The following PRP4K variants were observed in gnomAD, a reference collection of about 807,000 sequenced individuals.
PRP4K encodes pre-mRNA processing factor kinase PRP4K.
chr6:4,021,349 C>T, the PRP4K span: 11 of 1,545,606 alleles, frequency 7.1e-6, no homozygotes, highest in African/African-American at 5.5e-5. Context: ...CAGCTCTTTT[C>T]CTTCTTCCTC....
At chr6:4,041,040 G>A in the PRP4K span, 1 of 1,148,130 alleles carries the variant, frequency 8.7e-7, no homozygotes, top group Non-Finnish European at 1.2e-6. Context: ...CCATTAATTT[G>A]GCTCTGAATT....
At chr6:4,052,231 A>T in the PRP4K span, 1 of 993,646 alleles carries the variant, frequency 1.0e-6, no homozygotes, top group Admixed American at 3.4e-5. Context: ...TTTGTTTTTA[A>T]CTTGTGGTTA....
chr6:4,047,107 C>G, the PRP4K span: 1 of 1,334,336 alleles, frequency 7.5e-7, no homozygotes, highest in African/African-American at 1.5e-5. Context: ...TAATGACTTC[C>G]CATTCACTTA....
At chr6:4,036,562 T>C in the PRP4K span, among the ~76,000 whole-genome samples, 1 of 152,076 alleles carries the variant, frequency 6.6e-6, no homozygotes, top group African/African-American at 2.4e-5. Context: ...ACTCTGTCAC[T>C]TGGGCTGCAG....
At chr6:4,063,159 C>G in the PRP4K span, 5 of 152,234 alleles carry the variant, frequency 3.3e-5, no homozygotes, top group African/African-American at 1.2e-4. Flanking sequence ...AACAATCCTT[C>G]ATTTATTTTT....
the PRP4K span, chr6:4,032,039 G>A: frequency 2.5e-6 from 4 of 1,613,918 alleles, no homozygotes; most frequent in Non-Finnish European, 3.4e-6. Flanking sequence ...TTGAACTTGT[G>A]GACAATAAAA....
chr6:4,022,065 G>A, the PRP4K span, among the ~76,000 whole-genome samples: 1 of 148,798 alleles, frequency 6.7e-6, no homozygotes, highest in Non-Finnish European at 1.5e-5. Flanking sequence ...GTATTGTTTT[G>A]TTTTGTTTTG....
At chr6:4,022,169 T>TTTA in the PRP4K span, among the ~76,000 whole-genome samples, 1 of 149,246 alleles carries the variant, frequency 6.7e-6, no homozygotes, top group Middle Eastern at 3.4e-3. Context: ...TTTTTTTTTT[T>TTTA]TTTTTTTGCC....
the PRP4K span, chr6:4,021,525 T>C: frequency 3.2e-6 from 5 of 1,554,076 alleles, no homozygotes; most frequent in Non-Finnish European, 4.4e-6. Flanking sequence ...GAGTGGGAGC[T>C]GCACGGGGTG....
the PRP4K span, chr6:4,031,530 A>AT: frequency 7.1e-7 from 1 of 1,402,392 alleles, no homozygotes; most frequent in Non-Finnish European, 9.6e-7. Flanking sequence ...AAATGATATG[A>AT]TTTTAAAATG....
At chr6:4,037,448 C>A in the PRP4K span, 1 of 1,613,978 alleles carries the variant, frequency 6.2e-7, no homozygotes. Flanking sequence ...CAAAAGATGC[C>A]AGCCCCATCA....
At chr6:4,060,388 T>G in the PRP4K span, 39 of 1,595,224 alleles carry the variant, frequency 2.4e-5, no homozygotes, top group Non-Finnish European at 3.2e-5. This position sits in a 1 kb window ranked among gnomAD's most constrained non-coding sequence, Gnocchi z 4.7. Context: ...TATTTAGAGA[T>G]ACGCATTTTA....
chr6:4,031,544 TTG>T, the PRP4K span: 11 of 1,463,082 alleles, frequency 7.5e-6, no homozygotes, highest in Non-Finnish European at 2.8e-6. Flanking sequence ...TAAAATGTGT[TTG>T]ATATATTTAT....
At chr6:4,027,597 G>C in the PRP4K span, among the ~76,000 whole-genome samples, 1 of 118,366 alleles carries the variant, frequency 8.4e-6, no homozygotes, top group Non-Finnish European at 1.8e-5. Flanking sequence ...TTTGGCGGAG[G>C]GGTGGGGGGG....
At chr6:4,040,743 T>A in the PRP4K span, 1 of 1,603,772 alleles carries the variant, frequency 6.2e-7, no homozygotes, top group Non-Finnish European at 8.5e-7. Context: ...TTTAAAAAAA[T>A]GTATACCTGT....
At chr6:4,023,758 G>C in the PRP4K span, among the ~76,000 whole-genome samples, 4 of 152,086 alleles carry the variant, frequency 2.6e-5, no homozygotes, top group Non-Finnish European at 4.4e-5. Context: ...TTGTCACCCA[G>C]ACTGGAGTAC....
chr6:4,030,386 G>A, the PRP4K span, among the ~76,000 whole-genome samples: 1 of 152,164 alleles, frequency 6.6e-6, no homozygotes. Context: ...TATATAATAT[G>A]AAGACCTGAC....
the PRP4K span, chr6:4,040,626 A>G: frequency 1.6e-5 from 14 of 854,866 alleles, no homozygotes; most frequent in Non-Finnish European, 2.1e-5. Context: ...TTTTTAAAAA[A>G]TAGACTATAT....
chr6:4,037,578 CA>C, the PRP4K span: 1 of 1,609,096 alleles, frequency 6.2e-7, no homozygotes, highest in Non-Finnish European at 8.5e-7. Flanking sequence ...AAGGTAAAGA[CA>C]TTTCATCCTT....
Sources: gnomAD v4.1 joint callset for allele counts (sites outside exome capture counted in the v4.1 genomes callset) on GRCh38, gnomAD v4.1.1 for gene constraint, Gnocchi (gnomAD v3.1) non-coding constraint, MANE v1.5 for transcripts, NCBI Gene and HGNC (gene_info 2026-07-23, HGNC 2026-07-21) for gene names.